Variants in RASGEF1C observed in about 807,000 individuals in gnomAD.
The protein encoded by RASGEF1C is ras-GEF domain-containing family member 1C.
Under a neutral mutation model 58.1 loss-of-function variants are expected in RASGEF1C, and 27 were observed. The ratio of observed to expected loss-of-function variants is 0.46; its 90% CI spans 0.34 to 0.64. The LOEUF is 0.64. Ranked by LOEUF, RASGEF1C falls within the 30% of genes least tolerant of loss-of-function variation. The probability of loss-of-function intolerance (pLI) is 0.01; values close to 1 mark genes in which losing one functional copy is unlikely to be tolerated. For synonymous variants in RASGEF1C, 243 were observed against 246.3 expected (o/e 0.99, Z 0.13); for missense variants, 502 against 605.1 (o/e 0.83, Z 1.79).
At chr5:180,147,418 C>CT (rs1238598248) in intron 1 of RASGEF1C, among the ~76,000 whole-genome samples, 2 of 151,634 alleles carry the variant, frequency 1.3e-5, no homozygotes, top group African/African-American at 4.8e-5. Flanking sequence ...GATCTTTCTT[C>CT]TTTTTTAATG....
Position 180,111,414 on chromosome 5 carries a change from G to A in RASGEF1C, c.1303+43C>T, listed in dbSNP as rs374576729. On this transcript the variant is annotated intron_variant, in intron 12 of 13. Transcript: ENST00000361132. ...ATGGTGACTGAGAGGCTACCCCAGA[G>A]TTCCGTGGCCCAGTAGGCAGGAGGG... 2.5e-6 allele frequency: 4 copies of A among 1,613,604 alleles called. No individual in the cohort carries two copies. The Admixed American group carries it at 6.7e-5, about 27-fold the overall frequency.
chr5:180,135,049 C>CA (rs539235854), intron 4 of RASGEF1C, among the ~76,000 whole-genome samples: 28 of 136,932 alleles, frequency 2.0e-4, no homozygotes, highest in Admixed American at 1.6e-3. Context: ...GTCCCCACCC[C>CA]CCCCGTCCAA....
At chr5:180,101,706 C>T (rs538201650) in intron 13 of RASGEF1C, among the ~76,000 whole-genome samples, 181 bp from the exon 14 acceptor site, 23 of 152,370 alleles carry the variant, frequency 1.5e-4, no homozygotes, top group African/African-American at 5.3e-4. Context: ...TCATTTCCGA[C>T]CGCCACTTGG....
intron 1 of RASGEF1C, among the ~76,000 whole-genome samples, chr5:180,202,863 G>C (rs201193566): frequency 2.0e-5 from 3 of 151,556 alleles, no homozygotes; most frequent in Non-Finnish European, 4.4e-5. Flanking sequence ...CCACCACGCC[G>C]GGCTAATTTT....
rs1765772832 is a variant in RASGEF1C, at chr5:180,100,966, G to C, written c.*535C>G. 1 of 155,586 alleles carries C rather than the reference G, an allele frequency of 6.4e-6. No homozygotes were observed. Among genetic ancestry groups the C allele is most frequent in the Non-Finnish European group, 1.4e-5 (1 of 69,766 alleles). 9.6% of individuals were successfully genotyped at this position (155,586 alleles called of 1,614,324 possible). ...GCAGCATCCAGGAAGGGGGTACCTG[G>C]GGCTGCAGAGACAAGCTCGTCGGCA... is the stretch of plus-strand genomic sequence containing the variant. On this transcript the variant is annotated 3_prime_UTR_variant, in exon 14 of 14. Coordinates refer to ENST00000361132, the MANE Select transcript of RASGEF1C (RefSeq NM_175062.4).
At chr5:180,144,008 T>A (rs1041092307) in intron 1 of RASGEF1C, among the ~76,000 whole-genome samples, 1 of 152,084 alleles carries the variant, frequency 6.6e-6, no homozygotes, top group Non-Finnish European at 1.5e-5. Context: ...ACCTGTGAGC[T>A]CTGAGAAGAG....
chr5:180,185,601 AAAATGAATAAAT>A lies in RASGEF1C; in HGVS notation c.-7+23415_-7+23426del, dbSNP rs753523237. Among the ~76,000 whole-genome samples the A allele has an allele frequency of 3.3e-5, 5 of 151,600 alleles. No individual in the cohort carries two copies. In the South Asian group the frequency reaches 1.0e-3, roughly 32 times the overall value. ...ACTCCATCTTAAATAAATAAATTTA[AAAATGAATAAAT>A]AAATAAATAAATAAATAAAAAGGAT... On this transcript the variant is annotated intron_variant, in intron 1 of 13. Transcript: ENST00000361132.
Position 180,143,676 on chromosome 5 carries a change from A to C in RASGEF1C, c.-6-5618T>G, listed in dbSNP as rs555913864. ...TATTGTGATTGTAAGGGTGGCAATT[A>C]ATTCTATTTTTTTAAAAAGCCACTG... On this transcript the variant is annotated intron_variant, in intron 1 of 13. Coordinates refer to ENST00000361132, the MANE Select transcript of RASGEF1C (RefSeq NM_175062.4). The surrounding 1 kb of genome is among the most constrained non-coding windows in gnomAD (Gnocchi z 4.3). Among the ~76,000 whole-genome samples, 61 of 152,258 alleles carry C rather than the reference A, an allele frequency of 4.0e-4. No homozygotes were observed. Among genetic ancestry groups the C allele is most frequent in the Non-Finnish European group, 6.8e-4 (46 of 68,026 alleles).
chr5:180,119,291 C>T (rs1373384525), intron 8 of RASGEF1C, 55 bp downstream of exon 8: 25 of 1,440,556 alleles, frequency 1.7e-5, no homozygotes, highest in Middle Eastern at 1.7e-4. Context: ...GCACCCACTC[C>T]GGCCTCTCGG....
intron 12 of RASGEF1C, among the ~76,000 whole-genome samples, chr5:180,109,439 CAG>C (rs1186636613): frequency 1.3e-5 from 2 of 151,990 alleles, no homozygotes; most frequent in East Asian, 3.9e-4. Context: ...GCCTGGGTGA[CAG>C]AGCGAGACTC....
At chr5:180,152,655 TATAC>T (rs1766778110) in intron 1 of RASGEF1C, among the ~76,000 whole-genome samples, 1 of 150,788 alleles carries the variant, frequency 6.6e-6, no homozygotes, top group African/African-American at 2.5e-5. Flanking sequence ...ATGGCACATG[TATAC>T]ATATGTAACA....
chr5:180,152,334 C>A (rs1347732970), intron 1 of RASGEF1C, among the ~76,000 whole-genome samples: 1 of 152,032 alleles, frequency 6.6e-6, no homozygotes, highest in Admixed American at 6.6e-5. Flanking sequence ...CAATGATAGA[C>A]TGGATTAAGA....
At chr5:180,163,723 T>C (rs572070700) in intron 1 of RASGEF1C, among the ~76,000 whole-genome samples, 2 of 152,240 alleles carry the variant, frequency 1.3e-5, no homozygotes, top group Non-Finnish European at 2.9e-5. Flanking sequence ...TTTGTTCATA[T>C]GGAACATGGG....
At chr5:180,152,594 A>G (rs1326370003) in intron 1 of RASGEF1C, among the ~76,000 whole-genome samples, 5 of 149,174 alleles carry the variant, frequency 3.4e-5, no homozygotes, top group South Asian at 4.4e-4. Context: ...GGATAGCATT[A>G]GGAGATATAC....
intron 1 of RASGEF1C, among the ~76,000 whole-genome samples, chr5:180,205,554 C>T (rs1483285615): frequency 2.6e-5 from 4 of 152,026 alleles, no homozygotes; most frequent in Non-Finnish European, 4.4e-5. Context: ...CTTCCCCGCC[C>T]GAACAGCAGC....
rs1741428183 is a variant in RASGEF1C, at chr5:180,209,014, C to A, written c.-7+14G>T. ...CCCGCACCGCCAGGTGTCCCTCGGC[C>A]GCGCACCACTCACCGGCTCCCGGCG... is the stretch of plus-strand genomic sequence containing the variant. On this transcript the variant is annotated intron_variant, in intron 1 of 13. Transcript: ENST00000361132. 2 of 147,106 alleles carry A rather than the reference C, an allele frequency of 1.4e-5. No homozygotes were observed. Among genetic ancestry groups the A allele is most frequent in the South Asian group, 3.6e-4 (2 of 5,608 alleles). The allele number at this position is 147,106 out of a possible 1,614,324, so 9.1% of individuals were successfully genotyped here.
At chr5:180,193,038 G>A (rs1287365702) in intron 1 of RASGEF1C, among the ~76,000 whole-genome samples, 1 of 102,340 alleles carries the variant, frequency 9.8e-6, no homozygotes, top group Non-Finnish European at 2.3e-5. Flanking sequence ...GAGCCATCGC[G>A]CCCGGCCAGT....
intron 4 of RASGEF1C, chr5:180,135,449 C>G (rs1766454579): frequency 6.6e-6 from 1 of 152,326 alleles, no homozygotes; most frequent in South Asian, 2.1e-4. Context: ...GTTCCATTTC[C>G]TTCCAGGACG....
At chr5:180,148,953 A>G (rs1050115578) in intron 1 of RASGEF1C, among the ~76,000 whole-genome samples, 1 of 152,048 alleles carries the variant, frequency 6.6e-6, no homozygotes, top group African/African-American at 2.4e-5. Context: ...CTTTGTACTC[A>G]TTTTTGAAGG....
Sources: gnomAD v4.1 joint callset for allele counts (sites outside exome capture counted in the v4.1 genomes callset) on GRCh38, gnomAD v4.1.1 for gene constraint, Gnocchi (gnomAD v3.1) non-coding constraint, MANE v1.5 for transcripts, NCBI Gene and HGNC (gene_info 2026-07-23, HGNC 2026-07-21) for gene names.